Variants in WWOX observed in about 807,000 individuals in gnomAD.
The protein encoded by WWOX is WW domain containing oxidoreductase.
A neutral mutation model predicts 46.2 loss-of-function variants in WWOX; 69 were observed. The ratio of observed to expected loss-of-function variants is 1.49; its 90% CI spans 1.23 to 1.82. The LOEUF is 1.82. Among genes scored for constraint, WWOX ranks in the 40% most tolerant of loss-of-function variants. The probability of loss-of-function intolerance (pLI) is 0.00; values close to 1 mark genes in which losing one functional copy is unlikely to be tolerated. For synonymous variants in WWOX, 359 were observed against 202.6 expected (o/e 1.77, Z -6.56); for missense variants, 919 against 542.6 (o/e 1.69, Z -6.89).
intron 8 of WWOX, among the ~76,000 whole-genome samples, chr16:78,576,943 A>G (rs2044896269): frequency 6.6e-6 from 1 of 152,100 alleles, no homozygotes; most frequent in Admixed American, 6.5e-5. Context: ...TATCTTGACC[A>G]TTTTATTTTT....
At chr16:78,431,465 A>C (rs1018721887) in intron 7 of WWOX, among the ~76,000 whole-genome samples, 1 of 152,194 alleles carries the variant, frequency 6.6e-6, no homozygotes, top group Non-Finnish European at 1.5e-5. Flanking sequence ...ATTAGCTAAA[A>C]TAATCCAGGA....
chr16:78,587,635 C>T (rs556543570), intron 8 of WWOX, among the ~76,000 whole-genome samples: 8 of 152,154 alleles, frequency 5.3e-5, no homozygotes, highest in Non-Finnish European at 1.0e-4. Context: ...ATCCATAGGA[C>T]ATTTTGAGGA....
intron 8 of WWOX, among the ~76,000 whole-genome samples, chr16:78,744,409 A>C (rs949718082): frequency 1.4e-5 from 2 of 144,158 alleles, no homozygotes; most frequent in African/African-American, 2.6e-5. Context: ...GGAAGGGCCC[A>C]TGGTCCACAC....
chr16:78,726,143 C>G (rs978840658), intron 8 of WWOX, among the ~76,000 whole-genome samples: 5 of 139,634 alleles, frequency 3.6e-5, no homozygotes, highest in African/African-American at 7.9e-5. Flanking sequence ...CTCTTTTTCT[C>G]TTTCTCTCTT....
At chr16:78,891,386 C>G (rs536940086) in intron 8 of WWOX, 1 of 152,182 alleles carries the variant, frequency 6.6e-6, no homozygotes, top group South Asian at 2.1e-4. Flanking sequence ...ATAATGAGTT[C>G]CTGTTACCAG....
chr16:78,729,732 G>C (rs1036744496), intron 8 of WWOX, among the ~76,000 whole-genome samples: 4 of 152,174 alleles, frequency 2.6e-5, no homozygotes, highest in African/African-American at 9.6e-5. Context: ...TGTTACAGCA[G>C]ACATAGCAAA....
At chr16:78,563,275 G>A (rs1446007104) in intron 8 of WWOX, among the ~76,000 whole-genome samples, 1 of 151,974 alleles carries the variant, frequency 6.6e-6, no homozygotes, top group Non-Finnish European at 1.5e-5. Context: ...CTGTGTATGG[G>A]GTAAGTGTTG....
intron 8 of WWOX, among the ~76,000 whole-genome samples, chr16:78,611,003 G>A (rs2045887795): frequency 6.6e-6 from 1 of 152,120 alleles, no homozygotes; most frequent in East Asian, 1.9e-4. Flanking sequence ...AAAAAACCAA[G>A]TAGGAAGCAG....
chr16:79,151,292 G>A (rs551505600), intron 8 of WWOX, among the ~76,000 whole-genome samples: 1 of 152,156 alleles, frequency 6.6e-6, no homozygotes, highest in African/African-American at 2.4e-5. Flanking sequence ...CCAAGTAAAG[G>A]CGTTATTCTT....
At position 78,204,199 on chromosome 16, in the gene WWOX, A is replaced by G. The variant is rs1002821541; in HGVS notation, c.516+39910A>G. Among the ~76,000 whole-genome samples, 4 of 152,210 alleles carry G rather than the reference A, an allele frequency of 2.6e-5. No individual in the cohort carries two copies. In the South Asian group the frequency reaches 6.2e-4, roughly 24 times the overall value. ...AGAATGTGAAAAGCTATTTATTACC[A>G]GATGTGGGCAGACCCTCCAGCCTTT... On this transcript the variant is annotated intron_variant, in intron 5 of 8. Coordinates refer to ENST00000566780, the MANE Select transcript of WWOX (RefSeq NM_016373.4).
intron 8 of WWOX, among the ~76,000 whole-genome samples, chr16:78,946,391 A>T (rs1329965725): frequency 6.6e-6 from 1 of 152,000 alleles, no homozygotes; most frequent in Non-Finnish European, 1.5e-5. Flanking sequence ...GGGTTTCACC[A>T]TGTTGGCCAG....
chr16:78,813,860 A>G (rs2051261787), intron 8 of WWOX, among the ~76,000 whole-genome samples: 1 of 152,008 alleles, frequency 6.6e-6, no homozygotes, highest in Non-Finnish European at 1.5e-5. Flanking sequence ...CGGTCAGCAC[A>G]TTTAGCAAGC....
chr16:78,996,414 G>T (rs1429993759), intron 8 of WWOX: 6 of 875,774 alleles, frequency 6.9e-6, no homozygotes, highest in Non-Finnish European at 8.0e-6. Context: ...AAAATGATTT[G>T]CTCAAAGTTT....
At chr16:78,554,019 T>A (rs1405258429) in intron 8 of WWOX, among the ~76,000 whole-genome samples, 1 of 151,960 alleles carries the variant, frequency 6.6e-6, no homozygotes, top group Non-Finnish European at 1.5e-5. Context: ...AAACACGCCG[T>A]CAAGCAGGGA....
intron 8 of WWOX, among the ~76,000 whole-genome samples, chr16:78,820,403 T>G (rs1370501768): frequency 6.6e-6 from 1 of 152,190 alleles, no homozygotes; most frequent in East Asian, 1.9e-4. Context: ...GAGTATTGTT[T>G]GGAGACATCT....
intron 8 of WWOX, among the ~76,000 whole-genome samples, chr16:78,885,114 T>G (rs2044426283): frequency 6.6e-6 from 1 of 152,030 alleles, no homozygotes; most frequent in African/African-American, 2.4e-5. Flanking sequence ...ACATCTCTGT[T>G]AGTTTGTGGA....
At chr16:78,916,882 A>C (rs1432051031) in intron 8 of WWOX, among the ~76,000 whole-genome samples, 1 of 152,210 alleles carries the variant, frequency 6.6e-6, no homozygotes, top group East Asian at 1.9e-4. Context: ...AAACAGGCTT[A>C]ATTAACTGAA....
intron 8 of WWOX, among the ~76,000 whole-genome samples, chr16:78,938,365 G>T (rs1414210886): frequency 6.6e-6 from 1 of 152,184 alleles, no homozygotes; most frequent in Non-Finnish European, 1.5e-5. Context: ...ACCACTGACA[G>T]TGTTTCCTGG....
intron 8 of WWOX, among the ~76,000 whole-genome samples, chr16:79,049,558 C>T (rs1447078039): frequency 2.6e-5 from 4 of 152,124 alleles, no homozygotes; most frequent in Non-Finnish European, 5.9e-5. Context: ...ATCTGAGTGG[C>T]AGGGCGCAGT....
Sources: allele counts gnomAD v4.1 joint callset (sites outside exome capture counted in the v4.1 genomes callset), GRCh38; gene constraint gnomAD v4.1.1; transcripts MANE v1.5; gene names NCBI Gene and HGNC (gene_info 2026-07-23, HGNC 2026-07-21).